MPRIP: variants seen among roughly 807,000 people sequenced by gnomAD.
MPRIP encodes the protein myosin phosphatase Rho interacting protein.
Under a neutral mutation model 234.9 loss-of-function variants are expected in MPRIP, and 59 were observed. That is an observed-to-expected ratio of 0.25 (90% CI 0.20 to 0.31). The LOEUF is 0.31. MPRIP is among the 10% of genes least tolerant of loss of function. The probability of loss-of-function intolerance (pLI) is 1.00; values close to 1 mark genes in which losing one functional copy is unlikely to be tolerated. For missense variants in MPRIP, 2,436 were observed against 3,071.0 expected, an observed-to-expected ratio of 0.79 and a Z score of 4.89; for synonymous variants, 1,144 against 1,263.9, an observed-to-expected ratio of 0.91 and a Z score of 2.01.
intron 5 of MPRIP, among the ~76,000 whole-genome samples, chr17:17,135,735 C>T (rs1220317937): frequency 6.6e-6 from 1 of 152,212 alleles, no homozygotes; most frequent in Non-Finnish European, 1.5e-5. Flanking sequence ...CTGATACCAT[C>T]ACCTTGGGGG....
chr17:17,183,750 A>G (rs575519207), intron 23 of MPRIP, among the ~76,000 whole-genome samples: 1 of 152,328 alleles, frequency 6.6e-6, no homozygotes, highest in East Asian at 1.9e-4. Flanking sequence ...AGTCTCCAGG[A>G]CAGTGCCAGA....
chr17:17,180,681 C>A, intron 23 of MPRIP: 1 of 1,609,500 alleles, frequency 6.2e-7, no homozygotes, highest in Non-Finnish European at 8.5e-7. Flanking sequence ...TAAACCGCCT[C>A]TCCCACCGCC....
Position 17,127,953 on chromosome 17 carries a change from C to T in MPRIP, c.419+1100C>T, listed in dbSNP as rs565372881. On this transcript the variant is annotated intron_variant, in intron 4 of 23. Transcript: ENST00000651222. ...GGGGTGTGCTCTCCCCTAGAGTCCT[C>T]CCCTGGAGAGAGGCAGGTTTGCATT... Among the ~76,000 whole-genome samples, 10 of 152,262 alleles carry T rather than the reference C, an allele frequency of 6.6e-5. No individual in the cohort carries two copies. In the South Asian group the frequency reaches 2.1e-3, roughly 32 times the overall value.
At chr17:17,129,431 C>T (rs773152063) in intron 4 of MPRIP, among the ~76,000 whole-genome samples, 2 of 152,198 alleles carry the variant, frequency 1.3e-5, no homozygotes, top group African/African-American at 2.4e-5. Flanking sequence ...TGATGTTAGA[C>T]GCTTCCTATT....
At chr17:17,045,818 T>G (rs1391808418) in intron 1 of MPRIP, among the ~76,000 whole-genome samples, 1 of 151,798 alleles carries the variant, frequency 6.6e-6, no homozygotes, top group Non-Finnish European at 1.5e-5. Flanking sequence ...TTTTTTTTTT[T>G]TTTTTGAGGC....
chr17:17,192,439 G>GC lies in MPRIP; in HGVS notation c.*7545_*7546insC, dbSNP rs1567794482. ...GCTGCTTTTTTTTTGGGGGGGGGGG[G>GC]GGGAGGGGCGTCTTGAGGCTTTTTT... On this transcript the variant is annotated 3_prime_UTR_variant, in exon 24 of 24. Transcript: ENST00000651222. 7 of 118,980 alleles carry GC rather than the reference G, an allele frequency of 5.9e-5. No homozygotes were observed. The highest frequency in any genetic ancestry group is 3.6e-4 in the South Asian group (1 of 2,740). The allele number at this position is 118,980 out of a possible 1,614,324, so 7.4% of individuals were successfully genotyped here.
At chr17:17,062,609 G>A (rs1381683282) in intron 1 of MPRIP, among the ~76,000 whole-genome samples, 1 of 152,248 alleles carries the variant, frequency 6.6e-6, no homozygotes, top group Non-Finnish European at 1.5e-5. Context: ...CCAGCGGACA[G>A]AGCAGCGGAG....
chr17:17,151,900 T>G (rs915735435), intron 12 of MPRIP, among the ~76,000 whole-genome samples: 1 of 152,258 alleles, frequency 6.6e-6, no homozygotes, highest in Non-Finnish European at 1.5e-5. Context: ...CACACAAGGC[T>G]AGACTCTGGT....
chr17:17,162,915 C>T (rs4985739), intron 15 of MPRIP, among the ~76,000 whole-genome samples: 12,453 of 152,224 alleles, frequency 0.082, 720 homozygotes, highest in East Asian at 0.18. Context: ...TACTAAGCAG[C>T]GGACTTTGCA....
chr17:17,124,017 CAGCTT>C (rs916007988), intron 3 of MPRIP, among the ~76,000 whole-genome samples: 98 of 152,294 alleles, frequency 6.4e-4, no homozygotes, highest in African/African-American at 2.2e-3. Flanking sequence ...AGTCCTGGCT[CAGCTT>C]GGTATGTTTT....
At chr17:17,183,876 C>A (rs997484200) in intron 23 of MPRIP, among the ~76,000 whole-genome samples, 3 of 152,236 alleles carry the variant, frequency 2.0e-5, no homozygotes, top group African/African-American at 7.2e-5. Context: ...AGCTAGAGCC[C>A]ATCCCTTCAG....
chr17:17,162,718 G>T (rs773453008), intron 15 of MPRIP, among the ~76,000 whole-genome samples: 8 of 152,184 alleles, frequency 5.3e-5, no homozygotes, highest in Non-Finnish European at 1.0e-4. Context: ...TCCCAAATTC[G>T]AAAATCTGAA....
intron 1 of MPRIP, among the ~76,000 whole-genome samples, chr17:17,049,210 A>C (rs985604955): frequency 6.6e-6 from 1 of 152,196 alleles, no homozygotes; most frequent in Non-Finnish European, 1.5e-5. Flanking sequence ...AATGACTGCT[A>C]ATGAGACTGG....
intron 3 of MPRIP, among the ~76,000 whole-genome samples, chr17:17,102,586 C>T (rs916207245): frequency 6.6e-6 from 1 of 152,206 alleles, no homozygotes; most frequent in African/African-American, 2.4e-5. Flanking sequence ...TGACAGCCCC[C>T]TCCTCAGGGT....
At chr17:17,121,076 A>G (rs1234922700) in intron 3 of MPRIP, among the ~76,000 whole-genome samples, 2 of 152,186 alleles carry the variant, frequency 1.3e-5, no homozygotes, top group East Asian at 1.9e-4. Flanking sequence ...GAATCCTGAC[A>G]TGGCTACTTC....
At chr17:17,168,751 G>C (rs1181351014) in intron 16 of MPRIP, 2 of 417,490 alleles carry the variant, frequency 4.8e-6, no homozygotes, top group Admixed American at 5.2e-5. Context: ...CACTCAGGAA[G>C]CTGCCCCAGT....
At position 17,084,623 on chromosome 17, in the gene MPRIP, A is replaced by G. The variant is rs151021462; in HGVS notation, c.267+6547A>G. Among the ~76,000 whole-genome samples, 17 of 152,306 alleles carry G rather than the reference A, an allele frequency of 1.1e-4. No individual in the cohort carries two copies. The East Asian group carries it at 3.3e-3, about 29-fold the overall frequency. On this transcript the variant is annotated intron_variant, in intron 3 of 23. Coordinates refer to ENST00000651222, the MANE Select transcript of MPRIP (RefSeq NM_001364716.4). ...TTCACCAAGTGATCTTGTCCTTCAC[A>G]TTCAGAGAGGCCGCTCCACCAGCAC...
chr17:17,155,328 C>T (rs1049834402), intron 13 of MPRIP, among the ~76,000 whole-genome samples: 1 of 151,936 alleles, frequency 6.6e-6, no homozygotes, highest in African/African-American at 2.4e-5. Context: ...TCTCGGCTCG[C>T]TGCAACCTCC....
intron 22 of MPRIP, among the ~76,000 whole-genome samples, chr17:17,179,111 C>T (rs1007088960): frequency 9.2e-5 from 14 of 151,790 alleles, no homozygotes; most frequent in Admixed American, 2.6e-4. Context: ...GTCAGGAATT[C>T]GAGACCAGTC....
Sources: gnomAD v4.1 joint callset for allele counts (sites outside exome capture counted in the v4.1 genomes callset) on GRCh38, gnomAD v4.1.1 for gene constraint, MANE v1.5 for transcripts, NCBI Gene and HGNC (gene_info 2026-07-23, HGNC 2026-07-21) for gene names.